Variants in ARHGEF18 observed in about 807,000 individuals in gnomAD.
ARHGEF18 encodes Rho/Rac guanine nucleotide exchange factor 18.
In ARHGEF18, 93 loss-of-function variants were observed where a neutral mutation model predicts 155.7. That is an observed-to-expected ratio of 0.60 (90% CI 0.50 to 0.71). The LOEUF is 0.71. ARHGEF18 is among the 30% of genes least tolerant of loss of function. The pLI is 0.00. For missense variants in ARHGEF18, 1,593 were observed against 1,816.1 expected (o/e 0.88, Z 2.23); for synonymous variants, 742 against 753.1 (o/e 0.99, Z 0.24).
At chr19:7,366,345 G>A (rs78540611) in intron 2 of ARHGEF18, among the ~76,000 whole-genome samples, 2,195 of 152,272 alleles carry the variant, frequency 0.014, 23 homozygotes, top group Middle Eastern at 0.037. Context: ...AACCAGACTC[G>A]TGTTCCCCAA....
At chr19:7,449,631 G>A (rs1322064827) in intron 15 of ARHGEF18, among the ~76,000 whole-genome samples, 6 of 152,178 alleles carry the variant, frequency 3.9e-5, no homozygotes, top group South Asian at 4.1e-4. Flanking sequence ...TGTGTGTGTG[G>A]ACAGCTTGAC....
Position 7,395,306 on chromosome 19 carries a change from C to T in ARHGEF18, c.967+12103C>T, listed in dbSNP as rs1427408476. 1.0e-6 allele frequency: 1 copy of T among 985,672 alleles called. No individual in the cohort carries two copies. The highest frequency in any genetic ancestry group is 4.7e-5 in the South Asian group (1 of 21,308). 61.1% of individuals were successfully genotyped at this position (985,672 alleles called of 1,614,324 possible). A position where few individuals can be genotyped will look rare whatever the true frequency, so the allele number is the denominator to read the frequency against. On this transcript the variant is annotated intron_variant, in intron 10 of 28. Transcript: ENST00000668164. This position sits in a 1 kb window ranked among gnomAD's most constrained non-coding sequence, Gnocchi z 5.0. The stretch of plus-strand genomic sequence containing the variant: ...CGGGGCTCAGGAGGGGGCCCTCGGT[C>T]TCTTCAGGGGGTGGCCTGGGGCGCG...
chr19:7,356,369 G>A (rs1262578360), intron 1 of ARHGEF18, among the ~76,000 whole-genome samples: 1 of 151,546 alleles, frequency 6.6e-6, no homozygotes, highest in Non-Finnish European at 1.5e-5. Context: ...TGCCTCCAGG[G>A]TTCAATTCAT....
chr19:7,464,725 G>A (rs1312017446), intron 23 of ARHGEF18, 35 bp downstream of exon 23: 1 of 1,610,992 alleles, frequency 6.2e-7, no homozygotes, highest in Admixed American at 1.7e-5. Flanking sequence ...TACAGTCTGA[G>A]TCGTCATAAG....
Position 7,463,935 on chromosome 19 carries a change from G to A in ARHGEF18, c.2753G>A (p.Cys918Tyr). The change falls in exon 22 of 29, where the codon TGC becomes TAC. Residue 918 changes from cysteine to tyrosine, a missense_variant. By Grantham distance (194) the Cys-to-Tyr change is radical (BLOSUM62 -2). Coordinates refer to ENST00000668164, the MANE Select transcript of ARHGEF18 (RefSeq NM_001367823.1). The surrounding 1 kb of genome is among the most constrained non-coding windows in gnomAD (Gnocchi z 5.2). The stretch of plus-strand genomic sequence containing the variant: ...GCTGAGACCTTCGCGGGCTACGACT[G>A]CACAAACAGCCCCACCAAGAGTAAG... ...RRAETFAGYD[C>Y]TNSPTKNGSF... 1.3e-6 allele frequency: 2 copies of A among 1,592,138 alleles called. No homozygotes were observed. Among genetic ancestry groups the A allele is most frequent in the Non-Finnish European group, 8.5e-7 (1 of 1,169,900 alleles).
intron 10 of ARHGEF18, among the ~76,000 whole-genome samples, chr19:7,437,022 AG>A (rs1974302707): frequency 6.6e-6 from 1 of 152,226 alleles, no homozygotes; most frequent in Admixed American, 6.6e-5. Context: ...GCTGTTACAC[AG>A]CTTAGTGGCT....
At chr19:7,352,227 A>G (rs1201024614) in intron 1 of ARHGEF18, among the ~76,000 whole-genome samples, 3 of 151,022 alleles carry the variant, frequency 2.0e-5, no homozygotes, top group Admixed American at 1.3e-4. Context: ...GAAAGGAAAG[A>G]TCACTTTAAT....
chr19:7,464,655 G>C lies in ARHGEF18; in HGVS notation c.2869G>C (p.Asp957His). 6.2e-7 allele frequency: 1 copy of C among 1,614,082 alleles called. No homozygotes were observed. Among genetic ancestry groups the C allele is most frequent in the Non-Finnish European group, 8.5e-7 (1 of 1,180,002 alleles). ...NSPDLKLSDS[D>H]IPGSSEESPQ... The stretch of plus-strand genomic sequence containing the variant: ...CCCGGACTTGAAGCTCAGTGACAGT[G>C]ACATTCCTGGGAGCTCTGAGGAATC... Residue 957 changes from aspartate (D) to histidine (H), a missense_variant, in exon 23 of 29, where the codon GAC becomes CAC. Physicochemically the swap from Asp to His is moderately conservative, Grantham distance 81 (BLOSUM62 -1). Transcript: ENST00000668164.
intron 2 of ARHGEF18, among the ~76,000 whole-genome samples, chr19:7,364,072 AATGG>A (rs1420514539): frequency 1.3e-5 from 2 of 148,150 alleles, no homozygotes; most frequent in South Asian, 2.2e-4. Flanking sequence ...ATGGATGGGT[AATGG>A]ATGGATGAAT....
At position 7,463,177 on chromosome 19, in the gene ARHGEF18, G is replaced by A. The variant is rs1317949454; in HGVS notation, c.2636-641G>A. 3.3e-5 allele frequency among the ~76,000 whole-genome samples: 5 copies of A among 152,134 alleles called. No homozygotes were observed. Among genetic ancestry groups the A allele is most frequent in the Non-Finnish European group, 4.4e-5 (3 of 68,016 alleles). ...AGTGAGGGAAGCCGACTCAGCCCCT[G>A]CCTTCCAGAGCCTTTCCGCAGAATA... On this transcript the variant is annotated intron_variant, in intron 21 of 28. Coordinates refer to ENST00000668164, the MANE Select transcript of ARHGEF18 (RefSeq NM_001367823.1). The surrounding 1 kb of genome is among the most constrained non-coding windows in gnomAD (Gnocchi z 5.2).
chr19:7,473,569 T>G (rs1977126625), downstream of ARHGEF18, among the ~76,000 whole-genome samples: 1 of 151,988 alleles, frequency 6.6e-6, no homozygotes, highest in African/African-American at 2.4e-5. Flanking sequence ...CCCAGCACTT[T>G]GGGAAGCCAA....
intron 2 of ARHGEF18, among the ~76,000 whole-genome samples, chr19:7,364,179 T>C (rs997343408): frequency 2.7e-5 from 4 of 146,300 alleles, no homozygotes; most frequent in Non-Finnish European, 6.0e-5. Context: ...GGTGAATGGA[T>C]AGATGAGAAG....
chr19:7,377,346 C>T (rs1970509663), intron 5 of ARHGEF18, among the ~76,000 whole-genome samples: 1 of 151,988 alleles, frequency 6.6e-6, no homozygotes, highest in African/African-American at 2.4e-5. Context: ...TCTGAGATTA[C>T]AGGCATGAAC....
intron 10 of ARHGEF18, among the ~76,000 whole-genome samples, chr19:7,399,851 C>T (rs761098180): frequency 1.3e-4 from 20 of 150,782 alleles, no homozygotes; most frequent in Admixed American, 4.0e-4. Context: ...CAGCTCACTA[C>T]AGCCTCGACC....
chr19:7,351,319 T>C (rs1490074162), intron 1 of ARHGEF18, among the ~76,000 whole-genome samples: 1 of 151,714 alleles, frequency 6.6e-6, no homozygotes, highest in East Asian at 1.9e-4. Context: ...GTTTGTTTGT[T>C]TGTTTGTTTG....
At chr19:7,384,061 C>T (rs906751264) in intron 10 of ARHGEF18, among the ~76,000 whole-genome samples, 8 of 152,110 alleles carry the variant, frequency 5.3e-5, no homozygotes, top group Admixed American at 2.0e-4. Flanking sequence ...GTGGTGGCAA[C>T]TGCGTGTTAG....
downstream of ARHGEF18, chr19:7,477,285 C>A (rs560572553): frequency 4.8e-5 from 76 of 1,584,170 alleles, 3 homozygotes; most frequent in South Asian, 8.6e-4. Flanking sequence ...CCCATGAGGC[C>A]CACTAGCCAC....
chr19:7,361,368 G>A (rs1008511006), intron 1 of ARHGEF18, among the ~76,000 whole-genome samples: 2 of 152,126 alleles, frequency 1.3e-5, no homozygotes, highest in African/African-American at 2.4e-5. Context: ...AATCCCGGAG[G>A]TGGAGGTTGC....
intron 1 of ARHGEF18, among the ~76,000 whole-genome samples, chr19:7,360,110 G>A (rs1017754772): frequency 1.3e-5 from 2 of 151,946 alleles, no homozygotes; most frequent in Admixed American, 6.6e-5. Flanking sequence ...AGCCAAGATG[G>A]AACCACTCCA....
Sources: gnomAD v4.1 joint callset for allele counts (sites outside exome capture counted in the v4.1 genomes callset) on GRCh38, gnomAD v4.1.1 for gene constraint, Gnocchi (gnomAD v3.1) non-coding constraint, MANE v1.5 for transcripts, NCBI Gene and HGNC (gene_info 2026-07-23, HGNC 2026-07-21) for gene names.